PTPRD: variants seen among roughly 807,000 people sequenced by gnomAD.
The protein encoded by PTPRD is receptor-type tyrosine-protein phosphatase delta.
PTPRD carries 34 observed loss-of-function variants against 214.5 expected under a neutral mutation model. The observed-to-expected ratio is 0.16, with a 90% CI of 0.12 to 0.21. The LOEUF (loss-of-function observed/expected upper bound fraction) is 0.21. Ranked by LOEUF, PTPRD falls within the 10% of genes least tolerant of loss-of-function variation. The pLI is 1.00. For missense variants in PTPRD, 2,545 were observed against 2,398.7 expected (o/e 1.06, Z -1.27); for synonymous variants, 1,128 against 845.7 (o/e 1.33, Z -5.79).
chr9:10,502,338 C>G (rs1203543775), intron 2 of PTPRD, among the ~76,000 whole-genome samples: 1 of 151,206 alleles, frequency 6.6e-6, no homozygotes, highest in Non-Finnish European at 1.5e-5. Context: ...TTGATAAATC[C>G]AAATTTAAGC....
At chr9:9,661,463 A>G (rs956672927) in intron 7 of PTPRD, among the ~76,000 whole-genome samples, 7 of 152,010 alleles carry the variant, frequency 4.6e-5, no homozygotes, top group Admixed American at 1.3e-4. Context: ...ACATTATATT[A>G]AACTATGGTA....
At chr9:9,935,337 T>G (rs2088788804) in intron 5 of PTPRD, among the ~76,000 whole-genome samples, 1 of 152,152 alleles carries the variant, frequency 6.6e-6, no homozygotes, top group Non-Finnish European at 1.5e-5. Context: ...CATCATCGTC[T>G]CAGCCCAAAA....
chr9:8,956,716 A>T (rs556271513), intron 11 of PTPRD, among the ~76,000 whole-genome samples: 1 of 151,954 alleles, frequency 6.6e-6, no homozygotes, highest in South Asian at 2.1e-4. Flanking sequence ...CATTTATTTC[A>T]TTCTGTTCCT....
chr9:8,361,366 G>A (rs1032269305), intron 39 of PTPRD, among the ~76,000 whole-genome samples: 2 of 152,210 alleles, frequency 1.3e-5, no homozygotes, highest in Non-Finnish European at 2.9e-5. Flanking sequence ...CAAGCCAAAT[G>A]TTGCTAAGGA....
At chr9:9,452,183 TTAAGA>T (rs1483850318) in intron 8 of PTPRD, among the ~76,000 whole-genome samples, 1 of 151,444 alleles carries the variant, frequency 6.6e-6, no homozygotes, top group African/African-American at 2.4e-5. Context: ...ATAAATCAAC[TTAAGA>T]TGTGTCATTT....
At chr9:10,061,757 A>G (rs998914448) in intron 3 of PTPRD, among the ~76,000 whole-genome samples, 9 of 152,084 alleles carry the variant, frequency 5.9e-5, no homozygotes, top group Non-Finnish European at 1.2e-4. Flanking sequence ...TGCGGAATAG[A>G]TGTTAGAATG....
intron 10 of PTPRD, among the ~76,000 whole-genome samples, chr9:9,068,651 C>G (rs542475041): frequency 6.6e-6 from 1 of 151,922 alleles, no homozygotes; most frequent in African/African-American, 2.4e-5. Flanking sequence ...TCTCACTTGT[C>G]CCCAGGCTGG....
chr9:10,525,545 T>A (rs976339291), intron 2 of PTPRD, among the ~76,000 whole-genome samples: 7 of 152,150 alleles, frequency 4.6e-5, no homozygotes, highest in African/African-American at 9.7e-5. Context: ...TAGTTCTAAG[T>A]TGATGTTATT....
intron 3 of PTPRD, among the ~76,000 whole-genome samples, chr9:10,067,252 C>T (rs996315363): frequency 4.6e-5 from 7 of 151,808 alleles, no homozygotes; most frequent in African/African-American, 9.7e-5. Flanking sequence ...TACTTCAGTT[C>T]GGCAAATGTA....
At chr9:9,132,306 G>T (rs1349162199) in intron 10 of PTPRD, among the ~76,000 whole-genome samples, 1 of 152,134 alleles carries the variant, frequency 6.6e-6, no homozygotes, top group African/African-American at 2.4e-5. Context: ...ACCATGCCAG[G>T]CCTGGCCACT....
chr9:9,896,765 T>C (rs145650666), intron 5 of PTPRD, among the ~76,000 whole-genome samples: 112 of 152,208 alleles, frequency 7.4e-4, no homozygotes, highest in African/African-American at 2.6e-3. Context: ...ATTATCATAA[T>C]TGAGTACATT....
intron 7 of PTPRD, among the ~76,000 whole-genome samples, chr9:9,635,677 A>G (rs1255359450): frequency 6.6e-6 from 1 of 152,168 alleles, no homozygotes; most frequent in Admixed American, 6.5e-5. Context: ...GTAGAGTCTC[A>G]ACATGGTTCA....
At chr9:10,476,503 GA>G (rs201414377) in intron 2 of PTPRD, among the ~76,000 whole-genome samples, 5,030 of 152,046 alleles carry the variant, frequency 0.033, 221 homozygotes, top group African/African-American at 0.093. Context: ...CAAACAAATG[GA>G]AAAAACATTC....
rs1006086834 is a variant in PTPRD at position 10,612,700 on chromosome 9, C to G, written c.-720G>C. On this transcript the variant is annotated 5_prime_UTR_variant, in exon 1 of 46. Coordinates refer to ENST00000381196, the MANE Select transcript of PTPRD (RefSeq NM_002839.4). ...GAAGGCAAAGTACCTGCACTCTCCC[C>G]GCCGAGGCTGGCTGGCGGCGCCGCG... 1 of 152,514 alleles carries G rather than the reference C, an allele frequency of 6.6e-6. No homozygotes were observed. Among genetic ancestry groups the G allele is most frequent in the Non-Finnish European group, 1.5e-5 (1 of 68,308 alleles). 9.4% of individuals were successfully genotyped at this position (152,514 alleles called of 1,614,324 possible).
At chr9:8,881,988 T>C (rs2098449862) in intron 11 of PTPRD, among the ~76,000 whole-genome samples, 1 of 152,158 alleles carries the variant, frequency 6.6e-6, no homozygotes, top group Non-Finnish European at 1.5e-5. Context: ...GGGCTGACTG[T>C]TGTCAAACAG....
At chr9:8,642,160 G>GAGAATC (rs142499345) in intron 12 of PTPRD, among the ~76,000 whole-genome samples, 10,548 of 152,112 alleles carry the variant, frequency 0.069, 1,110 homozygotes, top group African/African-American at 0.23. Flanking sequence ...TTGGCCAACT[G>GAGAATC]ACTTAAAACA....
At chr9:8,318,090 A>T in intron 45 of PTPRD, 148 bp from the exon 46 acceptor site, 8 of 642,816 alleles carry the variant, frequency 1.2e-5, no homozygotes, top group Admixed American at 2.6e-5. Context: ...CCAATGACCA[A>T]TTGTTTATAG....
rs79074011 is a variant in PTPRD at position 8,601,392 on chromosome 9, T to C, written c.352+31925A>G. 8.3e-3 allele frequency among the ~76,000 whole-genome samples: 1,262 copies of C among 152,206 alleles called. 20 individuals carry two copies. Among genetic ancestry groups the C allele is most frequent in the African/African-American group, 0.028 (1,170 of 41,526 alleles). On this transcript the variant is annotated intron_variant, in intron 14 of 45. Coordinates refer to ENST00000381196, the MANE Select transcript of PTPRD (RefSeq NM_002839.4). ...AGAGCCCTATGGCCTTGAGCAAACA[T>C]AGATAGTAGCCAGGTAATGGTTACA... is the stretch of plus-strand genomic sequence containing the variant.
At chr9:8,876,196 AAG>A (rs1458125616) in intron 11 of PTPRD, among the ~76,000 whole-genome samples, 1 of 151,266 alleles carries the variant, frequency 6.6e-6, no homozygotes, top group African/African-American at 2.4e-5. Flanking sequence ...AATCCAAACC[AAG>A]AGAGCCTATC....
Sources: gnomAD v4.1 joint callset for allele counts (sites outside exome capture counted in the v4.1 genomes callset) on GRCh38, gnomAD v4.1.1 for gene constraint, MANE v1.5 for transcripts, NCBI Gene and HGNC (gene_info 2026-07-23, HGNC 2026-07-21) for gene names.